TYW1B: variants seen among roughly 807,000 people sequenced by gnomAD.
TYW1B encodes the protein S-adenosyl-L-methionine-dependent tRNA 4-demethylwyosine synthase TYW1B.
Under a neutral mutation model 86.9 loss-of-function variants are expected in TYW1B, and 73 were observed. That is an observed-to-expected ratio of 0.84 (90% CI 0.70 to 1.02). The LOEUF (loss-of-function observed/expected upper bound fraction) is 1.02, where lower values mean the gene tolerates loss of function less well. Ranked by LOEUF, TYW1B falls within the 50% of genes least tolerant of loss-of-function variation. The pLI is 0.00. For synonymous variants in TYW1B, 248 were observed against 292.8 expected (o/e 0.85, Z 1.56); for missense variants, 637 against 827.4 (o/e 0.77, Z 2.82).
chr7:72,634,945 A>G (rs1294212485), intron 11 of TYW1B, among the ~76,000 whole-genome samples: 34 of 152,264 alleles, frequency 2.2e-4, no homozygotes, highest in Non-Finnish European at 1.5e-5. Flanking sequence ...CCTTTTTTTC[A>G]CAATGTCTTC....
chr7:72,716,024 C>T (rs1323505149), intron 9 of TYW1B, among the ~76,000 whole-genome samples: 2 of 152,098 alleles, frequency 1.3e-5, no homozygotes, highest in Admixed American at 6.5e-5. Flanking sequence ...TCCACCTCCT[C>T]GGTTCAAGCC....
chr7:72,675,080 T>C (rs1175897591), intron 11 of TYW1B, among the ~76,000 whole-genome samples: 3 of 151,554 alleles, frequency 2.0e-5, no homozygotes, highest in Non-Finnish European at 4.4e-5. Context: ...AACAACCGAT[T>C]CCCAATGAAA....
chr7:72,685,567 A>AT (rs1554449231), intron 11 of TYW1B, among the ~76,000 whole-genome samples: 1 of 151,610 alleles, frequency 6.6e-6, no homozygotes, highest in African/African-American at 2.4e-5. Flanking sequence ...GGAGAAGATA[A>AT]TTTTTTTCAA....
chr7:72,644,907 A>G (rs1471755483), intron 11 of TYW1B, among the ~76,000 whole-genome samples: 1 of 146,460 alleles, frequency 6.8e-6, no homozygotes, highest in African/African-American at 2.6e-5. Flanking sequence ...GGCTCACTGC[A>G]ACCTCTGCCT....
chr7:72,596,039 G>A (rs1388435257), intron 13 of TYW1B, among the ~76,000 whole-genome samples: 1 of 151,936 alleles, frequency 6.6e-6, no homozygotes, highest in Admixed American at 6.6e-5. Context: ...AGATGGGCAT[G>A]GTGGCAGGTG....
At chr7:72,647,052 G>C (rs3015891) in intron 11 of TYW1B, among the ~76,000 whole-genome samples, 4 of 152,196 alleles carry the variant, frequency 2.6e-5, no homozygotes. Flanking sequence ...AAGACATACT[G>C]TAGTTGAGGC....
At position 72,635,565 on chromosome 7, in the gene TYW1B, C is replaced by T. The variant is rs3015882; in HGVS notation, c.1507-6568G>A. Among the ~76,000 whole-genome samples the T allele has an allele frequency of 3.3e-5, 5 of 152,320 alleles. No homozygotes were observed. In the Middle Eastern group the frequency reaches 0.01, roughly 311 times the overall value. On this transcript the variant is annotated intron_variant, in intron 11 of 13. Coordinates refer to ENST00000620995, the MANE Select transcript of TYW1B (RefSeq NM_001145440.3). ...CAGTCTAAAATGTCGATGGTGCCAA[C>T]GTTGAAAAATCCTACAGTGGAGCAA...
intron 11 of TYW1B, among the ~76,000 whole-genome samples, chr7:72,661,387 C>T (rs1264383840): frequency 3.3e-5 from 5 of 151,768 alleles, no homozygotes; most frequent in Non-Finnish European, 7.4e-5. Context: ...AAGTCAACAG[C>T]TCAGTCATGG....
intron 11 of TYW1B, among the ~76,000 whole-genome samples, chr7:72,671,610 T>A (rs537843666): frequency 3.3e-5 from 5 of 152,344 alleles, no homozygotes; most frequent in Admixed American, 6.5e-5. Flanking sequence ...TACTTACTTC[T>A]TCACTAATAT....
intron 11 of TYW1B, among the ~76,000 whole-genome samples, chr7:72,634,361 T>TC (rs1283380600): frequency 1.3e-4 from 19 of 147,550 alleles, no homozygotes; most frequent in Non-Finnish European, 2.4e-4. Context: ...TTTTTCTTTT[T>TC]TTTTTTCTGT....
At chr7:72,740,903 TG>T (rs1787292639) in intron 8 of TYW1B, among the ~76,000 whole-genome samples, 2 of 151,858 alleles carry the variant, frequency 1.3e-5, no homozygotes, top group African/African-American at 4.8e-5. Flanking sequence ...GCTAATTTTT[TG>T]TATTTTTAGT....
intron 13 of TYW1B, among the ~76,000 whole-genome samples, chr7:72,576,808 G>A (rs1811033752): frequency 2.1e-5 from 3 of 145,084 alleles, no homozygotes; most frequent in Admixed American, 6.8e-5. Flanking sequence ...CACCACACCC[G>A]GCCCATGCCA....
chr7:72,763,319 G>C (rs1220699769), intron 7 of TYW1B, among the ~76,000 whole-genome samples: 16 of 108,378 alleles, frequency 1.5e-4, no homozygotes, highest in Admixed American at 2.6e-4. Context: ...TCTTGCTCTT[G>C]TCACCTAGGC....
chr7:72,711,470 A>C (rs1345524730), intron 10 of TYW1B, among the ~76,000 whole-genome samples: 2 of 45,620 alleles, frequency 4.4e-5, no homozygotes, highest in Admixed American at 2.8e-4. Flanking sequence ...CTCCTCTTTA[A>C]TTCTTTTTTT....
chr7:72,758,701 T>C (rs939329090), intron 7 of TYW1B, among the ~76,000 whole-genome samples: 5 of 152,190 alleles, frequency 3.3e-5, no homozygotes, highest in African/African-American at 1.2e-4. Flanking sequence ...GTGGTTTGGA[T>C]AAGGCCACCT....
At position 72,609,878 on chromosome 7, in the gene TYW1B, T is replaced by G. The variant is rs532533171; in HGVS notation, c.1785+6794A>C. On this transcript the variant is annotated intron_variant, in intron 13 of 13. Coordinates refer to ENST00000620995, the MANE Select transcript of TYW1B (RefSeq NM_001145440.3). ...AACACATAATTGGAAGGAATCTAAA[T>G]GAGCCTTGTTTTACTTTTTGGATGG... Among the ~76,000 whole-genome samples, 10 of 152,290 alleles carry G rather than the reference T, an allele frequency of 6.6e-5. No individual in the cohort carries two copies. The South Asian group carries it at 2.1e-3, about 32-fold the overall frequency.
At chr7:72,710,789 C>A (rs1374832915) in intron 10 of TYW1B, among the ~76,000 whole-genome samples, 1 of 152,114 alleles carries the variant, frequency 6.6e-6, no homozygotes, top group Non-Finnish European at 1.5e-5. Context: ...GCCTGGGAGA[C>A]AAAGCTAGAC....
intron 10 of TYW1B, among the ~76,000 whole-genome samples, chr7:72,704,897 T>A (rs2129570538): frequency 6.6e-6 from 1 of 152,298 alleles, no homozygotes; most frequent in South Asian, 2.1e-4. Context: ...ACTTTCTCTC[T>A]CTCTCTTTAG....
chr7:72,684,285 G>A (rs1813950867), intron 11 of TYW1B, among the ~76,000 whole-genome samples: 1 of 152,050 alleles, frequency 6.6e-6, no homozygotes, highest in Admixed American at 6.6e-5. Flanking sequence ...AAGCATGTAA[G>A]TTTCAAACCA....
Sources: gnomAD v4.1 joint callset for allele counts (sites outside exome capture counted in the v4.1 genomes callset) on GRCh38, gnomAD v4.1.1 for gene constraint, MANE v1.5 for transcripts, NCBI Gene and HGNC (gene_info 2026-07-23, HGNC 2026-07-21) for gene names.